TUBGCP3: variants seen among roughly 807,000 people sequenced by gnomAD.
TUBGCP3 encodes gamma-tubulin complex component 3.
Under a neutral mutation model 123.1 loss-of-function variants are expected in TUBGCP3, and 50 were observed. The observed-to-expected ratio is 0.41, with a 90% CI of 0.32 to 0.51. The LOEUF (loss-of-function observed/expected upper bound fraction) is 0.51. Among genes scored for constraint, TUBGCP3 ranks in the 20% least tolerant of loss-of-function variants. TUBGCP3 has a pLI of 0.36. For missense variants in TUBGCP3, 882 were observed against 1,127.0 expected (o/e 0.78, Z 3.11); for synonymous variants, 405 against 413.9 (o/e 0.98, Z 0.26).
Position 112,548,809 on chromosome 13 carries a change from G to A in TUBGCP3, c.967-633C>T, listed in dbSNP as rs545973419. On this transcript the variant is annotated intron_variant, in intron 8 of 21. Transcript: ENST00000261965. Reference sequence around the variant, plus strand: ...GATACCATCTCACACCAGTTAGAATGGTGATCATTAAAAAGTCAGGAAACA... The same window carrying A: ...GATACCATCTCACACCAGTTAGAATAGTGATCATTAAAAAGTCAGGAAACA... Among the ~76,000 whole-genome samples the A allele has an allele frequency of 3.3e-5, 5 of 152,316 alleles. No individual in the cohort carries two copies. In the South Asian group the frequency reaches 1.0e-3, roughly 32 times the overall value.
chr13:112,598,719 C>T, the TUBGCP3 span, among the ~76,000 whole-genome samples: 16 of 151,890 alleles, frequency 1.1e-4, no homozygotes, highest in South Asian at 2.3e-3. Flanking sequence ...CTGAGGTGGG[C>T]GGATCGTGAG....
upstream of TUBGCP3, among the ~76,000 whole-genome samples, chr13:112,590,004 T>C (rs1256561792): frequency 6.6e-6 from 1 of 151,938 alleles, no homozygotes; most frequent in African/African-American, 2.4e-5. Flanking sequence ...TTTTTTTTTT[T>C]CTTTTTCAGA....
chr13:112,538,376 G>A (rs1178185755), intron 11 of TUBGCP3, among the ~76,000 whole-genome samples: 2 of 152,214 alleles, frequency 1.3e-5, no homozygotes, highest in Non-Finnish European at 2.9e-5. Context: ...GTGTCTTGCT[G>A]TGGTGAGTTT....
At chr13:112,572,078 A>G (rs984649101) in intron 1 of TUBGCP3, among the ~76,000 whole-genome samples, 1 of 152,092 alleles carries the variant, frequency 6.6e-6, no homozygotes, top group Non-Finnish European at 1.5e-5. Flanking sequence ...CTGGAATAGC[A>G]TTTGTAATTT....
At chr13:112,577,112 T>A (rs1033343393) in intron 1 of TUBGCP3, among the ~76,000 whole-genome samples, 1 of 151,722 alleles carries the variant, frequency 6.6e-6, no homozygotes, top group Non-Finnish European at 1.5e-5. Context: ...TAAAAGATAA[T>A]AAGGGCTAAG....
At position 112,556,198 on chromosome 13, in the gene TUBGCP3, C is replaced by T; in HGVS notation, c.575G>A (p.Gly192Glu). The T allele has an allele frequency of 4.3e-6, 7 of 1,614,024 alleles. No homozygotes were observed. The highest frequency in any genetic ancestry group is 5.9e-6 in the Non-Finnish European group (7 of 1,179,988). The change falls in exon 6 of 22, where the codon GGA becomes GAA. Residue 192 changes from glycine (G) to glutamate (E), a missense_variant. Transcript: ENST00000261965. ...PGQSNQAPGV[G>E]DCLRQQLGSR... ...CCCCAACTGCTGTCGAAGGCAATCT[C>T]CTACTCCTGGAGCTTGATTAGACTG... is the stretch of plus-strand genomic sequence containing the variant.
At chr13:112,498,803 G>C in intron 20 of TUBGCP3, 1 of 1,554,120 alleles carries the variant, frequency 6.4e-7, no homozygotes, top group Non-Finnish European at 8.7e-7. Context: ...CAGGAGATTT[G>C]TAATTCTCAT....
Position 112,524,052 on chromosome 13 carries a change from G to T in TUBGCP3, c.1556-1543C>A, listed in dbSNP as rs1265410682. Among the ~76,000 whole-genome samples the T allele has an allele frequency of 1.3e-5, 2 of 152,120 alleles. No individual in the cohort carries two copies. The highest frequency in any genetic ancestry group is 2.9e-5 in the Non-Finnish European group (2 of 68,034). ...AGAAGCAGCAGCGTCAGCAGCAGCA[G>T]CGCCCCGTCACCCTCAGCATCTGCA... On this transcript the variant is annotated intron_variant, in intron 13 of 21. Coordinates refer to ENST00000261965, the MANE Select transcript of TUBGCP3 (RefSeq NM_006322.6). The surrounding 1 kb of genome is among the most constrained non-coding windows in gnomAD (Gnocchi z 4.4).
Position 112,508,931 on chromosome 13 carries a change from G to A in TUBGCP3, c.2087-4217C>T, listed in dbSNP as rs1021191485. On this transcript the variant is annotated intron_variant, in intron 17 of 21. Coordinates refer to ENST00000261965, the MANE Select transcript of TUBGCP3 (RefSeq NM_006322.6). The surrounding 1 kb of genome is among the most constrained non-coding windows in gnomAD (Gnocchi z 4.2). ...CCCCGCGGCTGCTGTAACCATAAAG[G>A]CCAACGTCACCGCACACGGATTATT... is the stretch of plus-strand genomic sequence containing the variant. 2.6e-5 allele frequency among the ~76,000 whole-genome samples: 4 copies of A among 152,074 alleles called. No individual in the cohort carries two copies. The highest frequency in any genetic ancestry group is 4.4e-5 in the Non-Finnish European group (3 of 68,020).
At chr13:112,527,328 C>A in intron 12 of TUBGCP3, 46 bp downstream of exon 12, 3 of 1,338,004 alleles carry the variant, frequency 2.2e-6, no homozygotes, top group Non-Finnish European at 2.1e-6. Flanking sequence ...TCTAAGTATA[C>A]ATAGCCATAA....
chr13:112,500,884 T>C (rs1880859146), intron 19 of TUBGCP3, among the ~76,000 whole-genome samples: 1 of 152,246 alleles, frequency 6.6e-6, no homozygotes, highest in Non-Finnish European at 1.5e-5. Flanking sequence ...ATTCATTTGC[T>C]AAGTCACAGC....
Position 112,486,051 on chromosome 13 carries a change from C to T in TUBGCP3, c.2666G>A (p.Arg889Lys). ...RLDFNEHYKAREPRLRVSLGT... is the reference protein window; with the variant it reads ...RLDFNEHYKAKEPRLRVSLGT... ...CAGAGACACACGGAGCCTGGGCTCC[C>T]TGGCTTTGTAATGCTCGTTGAAGTC... Residue 889 changes from arginine (R) to lysine (K), a missense_variant, in exon 22 of 22, where the codon AGG becomes AAG. Around this residue, in one of 3 missense-constraint regions of TUBGCP3, gnomAD observed 160 missense variants for 220.3 expected, o/e 0.73. Transcript: ENST00000261965. 6.2e-7 allele frequency: 1 copy of T among 1,610,038 alleles called. No individual in the cohort carries two copies. Among genetic ancestry groups the T allele is most frequent in the Non-Finnish European group, 8.5e-7 (1 of 1,176,568 alleles).
rs9604335 is a variant in TUBGCP3 at position 112,511,612 on chromosome 13, T to C, written c.2086+4828A>G. Among the ~76,000 whole-genome samples the C allele has an allele frequency of 6.6e-6, 1 of 151,838 alleles. No individual in the cohort carries two copies. Among genetic ancestry groups the C allele is most frequent in the African/African-American group, 2.4e-5 (1 of 41,294 alleles). ...GCAGCTCCACAGACTTTAAGACACA[T>C]TGAGAACATGAAAGCAATGTGTATC... On this transcript the variant is annotated intron_variant, in intron 17 of 21. Coordinates refer to ENST00000261965, the MANE Select transcript of TUBGCP3 (RefSeq NM_006322.6). This position sits in a 1 kb window ranked among gnomAD's most constrained non-coding sequence, Gnocchi z 4.1.
intron 1 of TUBGCP3, among the ~76,000 whole-genome samples, chr13:112,569,572 G>C (rs1881240887): frequency 6.6e-6 from 1 of 152,158 alleles, no homozygotes; most frequent in Non-Finnish European, 1.5e-5. Flanking sequence ...ACATGAACAA[G>C]AAGAGGAGGC....
chr13:112,596,080 CCT>C, the TUBGCP3 span, among the ~76,000 whole-genome samples: 5 of 152,216 alleles, frequency 3.3e-5, no homozygotes, highest in East Asian at 1.9e-4. Flanking sequence ...TTTACATTCC[CCT>C]GTTTATGGTA....
intron 17 of TUBGCP3, among the ~76,000 whole-genome samples, chr13:112,507,262 C>T (rs1002913722): frequency 1.4e-4 from 21 of 152,198 alleles, no homozygotes; most frequent in African/African-American, 5.1e-4. Flanking sequence ...ATCGACCCTT[C>T]CCCAGGTACA....
At chr13:112,502,966 AT>A (rs1248418041) in intron 19 of TUBGCP3, among the ~76,000 whole-genome samples, 1 of 152,142 alleles carries the variant, frequency 6.6e-6, no homozygotes, top group East Asian at 1.9e-4. Context: ...GATCTTAACC[AT>A]TTTTTGACAT....
At position 112,554,033 on chromosome 13, in the gene TUBGCP3, G is replaced by A. The variant is rs756474147; in HGVS notation, c.966+24C>T. 3 of 1,602,896 alleles carry A rather than the reference G, an allele frequency of 1.9e-6. No homozygotes were observed. In the South Asian group the frequency reaches 3.4e-5, roughly 18 times the overall value. On this transcript the variant is annotated intron_variant, in intron 8 of 21. Transcript: ENST00000261965. The stretch of plus-strand genomic sequence containing the variant: ...GTTTCCCAAAGTGCGCAGCATCCCA[G>A]CATCCTAGGAACCATGAACGCACCT...
chr13:112,578,282 G>T (rs531824567), intron 1 of TUBGCP3, among the ~76,000 whole-genome samples: 3 of 151,968 alleles, frequency 2.0e-5, no homozygotes, highest in Non-Finnish European at 4.4e-5. Flanking sequence ...GCTCTCGGCC[G>T]GGCGCGGTGG....
Sources: allele counts gnomAD v4.1 joint callset (sites outside exome capture counted in the v4.1 genomes callset), GRCh38; gene constraint gnomAD v4.1.1; regional missense constraint gnomAD v4.1.1; non-coding constraint Gnocchi (gnomAD v3.1); transcripts MANE v1.5; gene names NCBI Gene and HGNC (gene_info 2026-07-23, HGNC 2026-07-21).